The following ACOT8 variants were observed in gnomAD, a reference collection of about 807,000 sequenced individuals.
ACOT8 encodes the protein acyl-coenzyme A thioesterase 8.
A neutral mutation model predicts 38.4 loss-of-function variants in ACOT8; 31 were observed. That is an observed-to-expected ratio of 0.81 (90% CI 0.61 to 1.09). ACOT8 has a LOEUF of 1.09. ACOT8 is among the 50% of genes least tolerant of loss of function. The probability of loss-of-function intolerance (pLI) is 0.00; values close to 1 mark genes in which losing one functional copy is unlikely to be tolerated. For synonymous variants in ACOT8, 158 were observed against 170.3 expected, an observed-to-expected ratio of 0.93 and a Z score of 0.56; for missense variants, 373 against 421.8, an observed-to-expected ratio of 0.88 and a Z score of 1.01.
intron 1 of ACOT8, 152 bp downstream of exon 1, chr20:45,857,036 C>T (rs1985497676): frequency 3.3e-6 from 3 of 902,772 alleles, no homozygotes; most frequent in Non-Finnish European, 3.3e-6. Flanking sequence ...GAGAGGACAG[C>T]TCTGTTGGGG....
chr20:45,846,060 A>C (rs1984667105), intron 3 of ACOT8, among the ~76,000 whole-genome samples: 1 of 152,052 alleles, frequency 6.6e-6, no homozygotes. Context: ...GGCTGGTCTC[A>C]AACTCCTGAC....
chr20:45,846,995 G>A (rs1984725868), intron 3 of ACOT8, among the ~76,000 whole-genome samples: 1 of 152,026 alleles, frequency 6.6e-6, no homozygotes, highest in South Asian at 2.1e-4. Flanking sequence ...ATCACTTGAG[G>A]TCAGGAGTTC....
chr20:45,841,892 A>G lies in ACOT8; in HGVS notation c.906T>C (p.Cys302=). 6.2e-7 allele frequency: 1 copy of G among 1,612,010 alleles called. No homozygotes were observed. Residue 302 remains cysteine, a synonymous_variant, in exon 6 of 6, where the codon TGT becomes TGC. Transcript: ENST00000217455. ...WRQDGVLAVT[C]AQEGVIRVKP... ...TCACTCGGATCACGCCCTCCTGGGCACAGGTCACAGCTAGGACTCCATCCT... is the reference window on the plus strand; with the variant it reads ...TCACTCGGATCACGCCCTCCTGGGCGCAGGTCACAGCTAGGACTCCATCCT...
intron 5 of ACOT8, chr20:45,842,397 G>GT: frequency 8.1e-7 from 1 of 1,237,682 alleles, no homozygotes; most frequent in Non-Finnish European, 1.0e-6. Flanking sequence ...CAGAACTGCT[G>GT]TACCTCTGAC....
intron 3 of ACOT8, chr20:45,848,007 G>A (rs548746453): frequency 1.3e-5 from 2 of 152,226 alleles, no homozygotes; most frequent in Non-Finnish European, 2.9e-5. Flanking sequence ...GAACTCCTGG[G>A]CTCAGGTGAT....
chr20:45,853,827 C>T (rs764881570), intron 2 of ACOT8: 37 of 925,848 alleles, frequency 4.0e-5, no homozygotes, highest in Non-Finnish European at 5.6e-5. Flanking sequence ...AGACACGGGA[C>T]AGTATGAAAA....
chr20:45,844,061 C>T, intron 4 of ACOT8: 3 of 853,226 alleles, frequency 3.5e-6, no homozygotes, highest in South Asian at 1.5e-5. Context: ...TCAGAAAGGC[C>T]TTGTGTCGGG....
chr20:45,846,413 A>G (rs1049931863), intron 3 of ACOT8, among the ~76,000 whole-genome samples: 33 of 152,154 alleles, frequency 2.2e-4, no homozygotes, highest in Non-Finnish European at 2.9e-5. Flanking sequence ...GAATATGATT[A>G]GCACCATTTT....
At chr20:45,843,857 T>C in intron 4 of ACOT8, 136 bp from the exon 5 acceptor site, 1 of 1,450,114 alleles carries the variant, frequency 6.9e-7, no homozygotes, top group Non-Finnish European at 9.1e-7. Context: ...CTACAGTGTG[T>C]GTGTGTGATA....
At chr20:45,844,908 G>A (rs760359568) in intron 3 of ACOT8, among the ~76,000 whole-genome samples, 3 of 152,096 alleles carry the variant, frequency 2.0e-5, no homozygotes, top group Non-Finnish European at 4.4e-5. Context: ...GGCAATCTGG[G>A]TCCACAGTAT....
intron 1 of ACOT8, among the ~76,000 whole-genome samples, chr20:45,855,847 A>C (rs572997886): frequency 6.6e-6 from 1 of 152,254 alleles, no homozygotes; most frequent in Non-Finnish European, 1.5e-5. Flanking sequence ...AGAAAACTGC[A>C]GCTTGGCCCC....
Position 45,841,944 on chromosome 20 carries a change from C to G in ACOT8, c.854G>C (p.Gly285Ala), listed in dbSNP as rs1309604273. Residue 285 changes from glycine (G) to alanine (A), a missense_variant, in exon 6 of 6, where the codon GGG (glycine) becomes GCG (alanine). By Grantham distance (60) the Gly-to-Ala change is moderately conservative. Coordinates refer to ENST00000217455, the MANE Select transcript of ACOT8 (RefSeq NM_005469.4). ...CESPWAGGSR[G>A]LVHGRLWRQD... ...ACGCCACAGCCGCCCATGGACCAGC[C>G]CCCGAGAGCCACCTGTGGGTGAGGT... 1 of 1,613,360 alleles carries G rather than the reference C, an allele frequency of 6.2e-7. No individual in the cohort carries two copies.
intron 1 of ACOT8, among the ~76,000 whole-genome samples, chr20:45,856,072 T>C (rs1024218450): frequency 6.6e-6 from 1 of 152,150 alleles, no homozygotes; most frequent in African/African-American, 2.4e-5. Context: ...AAAACCAGCC[T>C]GGGCTCCAAA....
At chr20:45,849,416 G>A (rs182347007) in intron 2 of ACOT8, among the ~76,000 whole-genome samples, 4 of 151,870 alleles carry the variant, frequency 2.6e-5, no homozygotes, top group Admixed American at 1.3e-4. Context: ...TCCTGAGTGG[G>A]GGGGGACTAC....
At chr20:45,848,993 T>A (rs1332761445) in intron 2 of ACOT8, 2 of 284,574 alleles carry the variant, frequency 7.0e-6, no homozygotes, top group Non-Finnish European at 1.3e-5. Context: ...AAACTGGGGA[T>A]CATCATGGTG....
chr20:45,849,586 G>A (rs535834817), intron 2 of ACOT8, among the ~76,000 whole-genome samples: 3 of 152,132 alleles, frequency 2.0e-5, no homozygotes, highest in African/African-American at 7.2e-5. Flanking sequence ...AAGTAGCTGG[G>A]ACTACAGGCG....
Position 45,855,277 on chromosome 20 carries a change from C to T in ACOT8, c.144G>A (p.Trp48Ter), listed in dbSNP as rs1378097013. The T allele has an allele frequency of 1.3e-5, 21 of 1,614,128 alleles. No individual in the cohort carries two copies. Among genetic ancestry groups the T allele is most frequent in the Non-Finnish European group, 1.8e-5 (21 of 1,180,040 alleles). Residue 48 changes from tryptophan (W) to a stop codon, truncating the protein, a stop_gained, in exon 2 of 6, where the codon TGG becomes TGA. Transcript: ENST00000217455. LOFTEE classifies it high-confidence loss of function. ...CACCAAACAGCCTCTTGGCCGGTACCCAGTAATGCCTTCCTCTGTAGGGAG... is the reference window on the plus strand; with the variant it reads ...CACCAAACAGCCTCTTGGCCGGTACTCAGTAATGCCTTCCTCTGTAGGGAG... ...DEDLFRGRHY[W>*]VPAKRLFGGQ...
chr20:45,844,269 A>G lies in ACOT8; in HGVS notation c.640T>C (p.Tyr214His). The part of the protein sequence containing the change: ...KQMFWVRARG[Y>H]IGEGDMKMHC... ...ATCCATGGGGTACTCTTACCAATAT[A>G]GCCCCGGGCTCGCACCCAGAACATC... Residue 214 changes from tyrosine (Y) to histidine (H), a missense_variant, in exon 4 of 6, where the codon TAT becomes CAT. Tyr to His is a moderately conservative substitution (Grantham distance 83, BLOSUM62 2). Transcript: ENST00000217455. The G allele has an allele frequency of 6.2e-7, 1 of 1,614,172 alleles. No homozygotes were observed. The highest frequency in any genetic ancestry group is 1.1e-5 in the South Asian group (1 of 91,078).
chr20:45,848,135 C>A (rs1310452063), intron 3 of ACOT8, among the ~76,000 whole-genome samples: 1 of 152,034 alleles, frequency 6.6e-6, no homozygotes, highest in Non-Finnish European at 1.5e-5. Context: ...GTATCCAACT[C>A]CTGGTCTCAA....
Sources: allele counts gnomAD v4.1 joint callset (sites outside exome capture counted in the v4.1 genomes callset), GRCh38; gene constraint gnomAD v4.1.1; transcripts MANE v1.5; gene names NCBI Gene and HGNC (gene_info 2026-07-23, HGNC 2026-07-21).